DYSF: variants seen among roughly 807,000 people sequenced by gnomAD.
DYSF encodes the protein dysferlin.
A neutral mutation model predicts 274.9 loss-of-function variants in DYSF; 212 were observed. The ratio of observed to expected loss-of-function variants is 0.77; its 90% CI spans 0.69 to 0.86. DYSF has a LOEUF of 0.86. Ranked by LOEUF, DYSF falls within the 40% of genes least tolerant of loss-of-function variation. The pLI, the probability that DYSF is intolerant of heterozygous loss-of-function variation, is 0.00. For synonymous variants in DYSF, 1,091 were observed against 1,078.7 expected (o/e 1.01, Z -0.22); for missense variants, 2,666 against 2,783.2 (o/e 0.96, Z 0.95).
At chr2:71,541,984 A>T (rs1382278892) in intron 17 of DYSF, among the ~76,000 whole-genome samples, 1 of 152,120 alleles carries the variant, frequency 6.6e-6, no homozygotes, top group African/African-American at 2.4e-5. Context: ...CGAGTTGAGG[A>T]TTGTTTTTTA....
rs760677592 is a variant in DYSF at position 71,664,220 on chromosome 2, C to T, written c.5004-48C>T. 1.3e-5 allele frequency: 21 copies of T among 1,612,524 alleles called. No homozygotes were observed. In the Middle Eastern group the frequency reaches 6.6e-4, roughly 51 times the overall value. On this transcript the variant is annotated intron_variant, in intron 45 of 55. Coordinates refer to ENST00000410020, the MANE Select transcript of DYSF (RefSeq NM_001130987.2). ...AGCTCTTGTCCTGCCCTGCCTGTCC[C>T]TTGGGTGCCCCGTGTTGGCTGACAT...
chr2:71,577,096 T>G (rs544846969), intron 30 of DYSF: 1 of 153,050 alleles, frequency 6.5e-6, no homozygotes, highest in Admixed American at 6.5e-5. Flanking sequence ...CCCACAGACC[T>G]GCAGCTGGAG....
chr2:71,601,708 C>T lies in DYSF; in HGVS notation c.3927+180C>T, dbSNP rs572040466. ...GGGAGCTCAAAGTCTCTGCCAAGCT[C>T]AGGCCTTTGCTGCCCTTCTCTGCGA... On this transcript the variant is annotated intron_variant, in intron 35 of 55. Coordinates refer to ENST00000410020, the MANE Select transcript of DYSF (RefSeq NM_001130987.2). 8.5e-5 allele frequency among the ~76,000 whole-genome samples: 13 copies of T among 152,334 alleles called. 1 individual carries two copies. In the East Asian group the frequency reaches 2.3e-3, roughly 27 times the overall value.
At chr2:71,493,065 T>A (rs2084011394) in intron 3 of DYSF, among the ~76,000 whole-genome samples, 1 of 151,582 alleles carries the variant, frequency 6.6e-6, no homozygotes, top group Admixed American at 6.6e-5. Context: ...ATATATATTT[T>A]TTTTGTAGAG....
At chr2:71,585,511 G>T (rs1050878061) in intron 30 of DYSF, among the ~76,000 whole-genome samples, 1 of 152,192 alleles carries the variant, frequency 6.6e-6, no homozygotes, top group African/African-American at 2.4e-5. Context: ...AAGAGGCCTT[G>T]TTACTTGCTT....
chr2:71,512,190 G>T (rs534783597), intron 5 of DYSF, among the ~76,000 whole-genome samples: 1 of 152,336 alleles, frequency 6.6e-6, no homozygotes, highest in East Asian at 1.9e-4. Flanking sequence ...GCTGCCTGGG[G>T]ACGGGGCTGA....
At chr2:71,636,570 C>G (rs1282144237) in intron 41 of DYSF, among the ~76,000 whole-genome samples, 1 of 151,986 alleles carries the variant, frequency 6.6e-6, no homozygotes, top group Non-Finnish European at 1.5e-5. Context: ...GCAGACTGGG[C>G]AGGGATGTTC....
intron 42 of DYSF, among the ~76,000 whole-genome samples, chr2:71,648,593 G>A (rs1372654319): frequency 6.6e-6 from 1 of 152,096 alleles, no homozygotes; most frequent in Non-Finnish European, 1.5e-5. Context: ...TTACGGAAAT[G>A]AAAGAATAGT....
rs752176825 is a variant in DYSF at position 71,535,095 on chromosome 2, C to T, written c.1449+6C>T. 1.2e-6 allele frequency: 2 copies of T among 1,614,088 alleles called. No individual in the cohort carries two copies. Among genetic ancestry groups the T allele is most frequent in the Non-Finnish European group, 1.7e-6 (2 of 1,179,972 alleles). ...ACATCACACTGCCTGCCATGGTGAG[C>T]CTCCTGCCCCCAGCAAACCCAAGGA... is the stretch of plus-strand genomic sequence containing the variant. On this transcript the variant is annotated splice_donor_region_variant and intron_variant, in intron 15 of 55. Transcript: ENST00000410020.
In DYSF at chr2:71,525,299, A is replaced by G. The variant is rs148959773; in HGVS notation, c.1150-921A>G. On this transcript the variant is annotated intron_variant, in intron 12 of 55. Transcript: ENST00000410020. ...GAGTGCAGTGGTGCAATCTTGGCTCACTGCAACCTCTGCTTCCCAGGTTCA... is the reference window on the plus strand; with the variant it reads ...GAGTGCAGTGGTGCAATCTTGGCTCGCTGCAACCTCTGCTTCCCAGGTTCA... 2.7e-3 allele frequency among the ~76,000 whole-genome samples: 418 copies of G among 152,206 alleles called. 4 individuals are homozygous for G. Among genetic ancestry groups the G allele is most frequent in the African/African-American group, 9.6e-3 (397 of 41,532 alleles).
rs11903223 is a variant in DYSF at position 71,686,599 on chromosome 2, T to G, written c.*107T>G. ...CTCCTCCAGACCTCCTAGGCCTGAT[T>G]GTCCTGCCAGGGTGGGCAGACAGAC... On this transcript the variant is annotated 3_prime_UTR_variant, in exon 56 of 56. Coordinates refer to ENST00000410020, the MANE Select transcript of DYSF (RefSeq NM_001130987.2). The G allele has an allele frequency of 6.4e-5, 87 of 1,355,560 alleles. No homozygotes were observed. Among genetic ancestry groups the G allele is most frequent in the Non-Finnish European group, 8.4e-5 (80 of 953,130 alleles). 84.0% of individuals were successfully genotyped at this position (1,355,560 alleles called of 1,614,324 possible).
Position 71,568,075 on chromosome 2 carries a change from C to T in DYSF, c.2690C>T (p.Ala897Val), listed in dbSNP as rs1559176582. ...QFAEGKLSVF[A>V]ETYENETKLA... ...GCTGAGGGGAAGCTGTCTGTCTTTG[C>T]TGAAACCGTGAGTACCTGCCAGCCC... The change falls in exon 25 of 56, where the codon GCT becomes GTT. Residue 897 changes from alanine (A) to valine (V), a missense_variant. This residue lies in a region of DYSF where 412 missense variants were observed against 504.0 expected (regional missense o/e 0.82). Coordinates refer to ENST00000410020, the MANE Select transcript of DYSF (RefSeq NM_001130987.2). 6.2e-7 allele frequency: 1 copy of T among 1,614,204 alleles called. No homozygotes were observed. The highest frequency in any genetic ancestry group is 8.5e-7 in the Non-Finnish European group (1 of 1,180,034).
At chr2:71,617,794 G>A (rs2093930437) in intron 40 of DYSF, among the ~76,000 whole-genome samples, 2 of 142,836 alleles carry the variant, frequency 1.4e-5, no homozygotes, top group African/African-American at 2.6e-5. Flanking sequence ...GTGTGTGGTA[G>A]AGGTGGGGTA....
chr2:71,470,394 C>G (rs1450001023), intron 1 of DYSF, among the ~76,000 whole-genome samples: 2 of 152,116 alleles, frequency 1.3e-5, no homozygotes, highest in East Asian at 3.9e-4. Flanking sequence ...AAACAGCGGC[C>G]AGGCGTGGTG....
intron 45 of DYSF, among the ~76,000 whole-genome samples, chr2:71,662,106 A>G (rs913578207): frequency 5.3e-4 from 81 of 152,176 alleles, no homozygotes; most frequent in African/African-American, 1.9e-3. Context: ...TCTCCCCCCA[A>G]TCCTGGGCAA....
intron 51 of DYSF, among the ~76,000 whole-genome samples, chr2:71,672,181 G>A (rs777407516): frequency 1.3e-5 from 2 of 151,216 alleles, no homozygotes; most frequent in East Asian, 1.9e-4. Flanking sequence ...AAACTGGCTC[G>A]GCCGAAGGCG....
chr2:71,459,398 G>A (rs908975614), intron 1 of DYSF, among the ~76,000 whole-genome samples: 1 of 152,174 alleles, frequency 6.6e-6, no homozygotes, highest in Non-Finnish European at 1.5e-5. Flanking sequence ...AATAAGTAGT[G>A]ACAGGGGTCA....
chr2:71,633,723 A>G (rs1369584431), intron 41 of DYSF, among the ~76,000 whole-genome samples: 2 of 152,130 alleles, frequency 1.3e-5, no homozygotes, highest in East Asian at 1.9e-4. Flanking sequence ...AGTTGGGCAT[A>G]TAGTTCTGCA....
chr2:71,610,024 A>G (rs1360660641), intron 36 of DYSF, among the ~76,000 whole-genome samples: 2 of 152,206 alleles, frequency 1.3e-5, no homozygotes, highest in African/African-American at 2.4e-5. Context: ...CAGGCCCTCC[A>G]TGTATGGATG....
Sources: gnomAD v4.1 joint callset for allele counts (sites outside exome capture counted in the v4.1 genomes callset) on GRCh38, gnomAD v4.1.1 for gene constraint, gnomAD v4.1.1 regional missense constraint, MANE v1.5 for transcripts, NCBI Gene and HGNC (gene_info 2026-07-23, HGNC 2026-07-21) for gene names.